The following CHST11 variants were observed in gnomAD, a reference collection of about 807,000 sequenced individuals.
The protein encoded by CHST11 is carbohydrate sulfotransferase 11, also known as C4S-1.
Under a neutral mutation model 30.4 loss-of-function variants are expected in CHST11, and 9 were observed. That is an observed-to-expected ratio of 0.30 (90% CI 0.18 to 0.52). The LOEUF (loss-of-function observed/expected upper bound fraction) is 0.52. Ranked by LOEUF, CHST11 falls within the 20% of genes least tolerant of loss-of-function variation. The pLI, the probability that CHST11 is intolerant of heterozygous loss-of-function variation, is 0.97. For synonymous variants in CHST11, 152 were observed against 187.8 expected (o/e 0.81, Z 1.56); for missense variants, 348 against 460.6 (o/e 0.76, Z 2.24).
chr12:104,657,981 T>C (rs979972740), intron 2 of CHST11, among the ~76,000 whole-genome samples: 6 of 152,126 alleles, frequency 3.9e-5, no homozygotes, highest in African/African-American at 1.4e-4. Context: ...GAGTGAGCAG[T>C]GTTCAGGGAC....
intron 1 of CHST11, among the ~76,000 whole-genome samples, chr12:104,548,816 G>A (rs1009144516): frequency 2.6e-5 from 4 of 152,206 alleles, no homozygotes; most frequent in African/African-American, 4.8e-5. Flanking sequence ...GAGGAGGACT[G>A]TGGGATAAGC....
chr12:104,522,552 C>G (rs572282048), intron 1 of CHST11, among the ~76,000 whole-genome samples: 1 of 152,158 alleles, frequency 6.6e-6, no homozygotes, highest in Admixed American at 6.5e-5. Flanking sequence ...GCATCAGATA[C>G]CAGGGTTCCC....
chr12:104,614,573 A>T (rs1327974803), intron 2 of CHST11, among the ~76,000 whole-genome samples: 1 of 152,160 alleles, frequency 6.6e-6, no homozygotes, highest in Non-Finnish European at 1.5e-5. Flanking sequence ...ATGATGTCCT[A>T]TATGAGTTTA....
intron 2 of CHST11, among the ~76,000 whole-genome samples, chr12:104,606,741 G>T (rs935508474): frequency 6.6e-6 from 1 of 152,186 alleles, no homozygotes; most frequent in Admixed American, 6.5e-5. Flanking sequence ...CAGGGGCCAG[G>T]ACTTCTGGAA....
intron 1 of CHST11, among the ~76,000 whole-genome samples, chr12:104,574,862 A>G (rs1422203901): frequency 5.9e-5 from 9 of 151,584 alleles, no homozygotes; most frequent in Non-Finnish European, 1.0e-4. Flanking sequence ...TATAATTAAA[A>G]AAAAAGAAAA....
At chr12:104,646,493 G>A (rs750919791) in intron 2 of CHST11, among the ~76,000 whole-genome samples, 35 of 152,106 alleles carry the variant, frequency 2.3e-4, no homozygotes, top group Non-Finnish European at 5.9e-5. Flanking sequence ...CAGCACTTTG[G>A]GAGGCCGAGG....
rs141001892 is a variant in CHST11, at chr12:104,722,155, A to AGTGTGTGTATGTGT, written c.205-34786_205-34785insATGTGTGTGTGTGT. On this transcript the variant is annotated intron_variant, in intron 2 of 2. Coordinates refer to ENST00000303694, the MANE Select transcript of CHST11 (RefSeq NM_018413.6). ...TGGCGCATACTACCACACTCAGCTA[A>AGTGTGTGTATGTGT]GTGTGTGTGTGTGTGTGTGTGTGTG... Among the ~76,000 whole-genome samples the AGTGTGTGTATGTGT allele has an allele frequency of 1.9e-3, 260 of 137,588 alleles. 2 individuals are homozygous for AGTGTGTGTATGTGT. Among genetic ancestry groups the AGTGTGTGTATGTGT allele is most frequent in the African/African-American group, 7.4e-3 (252 of 34,106 alleles). 90.3% of individuals were successfully genotyped at this position (137,588 alleles called of 152,430 possible).
chr12:104,611,678 A>G (rs1021501991), intron 2 of CHST11, among the ~76,000 whole-genome samples: 3 of 152,064 alleles, frequency 2.0e-5, no homozygotes, highest in Non-Finnish European at 4.4e-5. Context: ...ATCAGGGTGG[A>G]CGGTTTCCTG....
intron 2 of CHST11, among the ~76,000 whole-genome samples, chr12:104,640,770 T>TCA (rs1231232706): frequency 1.2e-4 from 19 of 152,166 alleles, no homozygotes; most frequent in African/African-American, 4.6e-4. Context: ...TCACAACATA[T>TCA]GTACCACACC....
In CHST11 at chr12:104,572,891, G is replaced by T. The variant is rs529050713; in HGVS notation, c.119-29015G>T. Among the ~76,000 whole-genome samples, 94 of 152,280 alleles carry T rather than the reference G, an allele frequency of 6.2e-4. 1 individual carries two copies. Among genetic ancestry groups the T allele is most frequent in the African/African-American group, 2.2e-3 (92 of 41,566 alleles). ...CAATCAGGCAGGAGAAGGAAATAAA[G>T]GGTATTCAATTAGGAAAAGAGGAAG... is the stretch of plus-strand genomic sequence containing the variant. On this transcript the variant is annotated intron_variant, in intron 1 of 2. Coordinates refer to ENST00000303694, the MANE Select transcript of CHST11 (RefSeq NM_018413.6).
intron 2 of CHST11, among the ~76,000 whole-genome samples, chr12:104,728,352 G>A (rs914204556): frequency 1.3e-5 from 2 of 152,048 alleles, no homozygotes; most frequent in East Asian, 1.9e-4. Context: ...ATTTGGATGC[G>A]CCCACAGTCT....
intron 2 of CHST11, among the ~76,000 whole-genome samples, chr12:104,677,040 C>A (rs2039748770): frequency 6.6e-6 from 1 of 152,204 alleles, no homozygotes; most frequent in African/African-American, 2.4e-5. Flanking sequence ...CCCGACCCTG[C>A]CCCATTTCCT....
In CHST11 at chr12:104,633,707, G is replaced by A. The variant is rs539264920; in HGVS notation, c.204+31716G>A. 1.1e-4 allele frequency among the ~76,000 whole-genome samples: 17 copies of A among 151,980 alleles called. No individual in the cohort carries two copies. In the East Asian group the frequency reaches 1.2e-3, roughly 10 times the overall value. ...TGGGATTACAGGCATGAGCCACACC[G>A]TGCCCAGCCTCTCCCTCTTGTCCTG... On this transcript the variant is annotated intron_variant, in intron 2 of 2. Coordinates refer to ENST00000303694, the MANE Select transcript of CHST11 (RefSeq NM_018413.6).
chr12:104,626,893 T>G (rs2039221154), intron 2 of CHST11, among the ~76,000 whole-genome samples: 1 of 152,136 alleles, frequency 6.6e-6, no homozygotes, highest in African/African-American at 2.4e-5. Context: ...TACATTAGGG[T>G]TCACTGTTGG....
rs1160512732 is a variant in CHST11, at chr12:104,621,443, T to G, written c.204+19452T>G. On this transcript the variant is annotated intron_variant, in intron 2 of 2. Coordinates refer to ENST00000303694, the MANE Select transcript of CHST11 (RefSeq NM_018413.6). ...AATGCCTTGCCCCTTTTCCAAGCAA[T>G]AAGAATATGTTACCTTATTTGGCAA... 2.6e-5 allele frequency among the ~76,000 whole-genome samples: 4 copies of G among 152,192 alleles called. No homozygotes were observed. In the East Asian group the frequency reaches 7.7e-4, roughly 29 times the overall value.
At chr12:104,698,417 A>T (rs2039965380) in intron 2 of CHST11, among the ~76,000 whole-genome samples, 1 of 152,132 alleles carries the variant, frequency 6.6e-6, no homozygotes, top group Non-Finnish European at 1.5e-5. Flanking sequence ...TTACCCAGGG[A>T]GCTTTCCTCG....
intron 1 of CHST11, among the ~76,000 whole-genome samples, chr12:104,527,612 GTAGT>G (rs2038140112): frequency 2.0e-5 from 3 of 152,174 alleles, no homozygotes. Flanking sequence ...TCTGAGCCTG[GTAGT>G]TAATCAGTGT....
At chr12:104,533,836 A>C (rs1224214145) in intron 1 of CHST11, among the ~76,000 whole-genome samples, 1 of 152,234 alleles carries the variant, frequency 6.6e-6, no homozygotes, top group Non-Finnish European at 1.5e-5. Context: ...AGAGAGACAG[A>C]GACAGGCAGC....
At chr12:104,516,191 A>G (rs1368745447) in intron 1 of CHST11, among the ~76,000 whole-genome samples, 1 of 152,164 alleles carries the variant, frequency 6.6e-6, no homozygotes, top group Non-Finnish European at 1.5e-5. Flanking sequence ...TACTCACTAG[A>G]TACTTGTTGT....
Sources: allele counts gnomAD v4.1 joint callset (sites outside exome capture counted in the v4.1 genomes callset), GRCh38; gene constraint gnomAD v4.1.1; transcripts MANE v1.5; gene names NCBI Gene and HGNC (gene_info 2026-07-23, HGNC 2026-07-21).